PMFBP1: variants seen among roughly 807,000 people sequenced by gnomAD.
PMFBP1 encodes polyamine-modulated factor 1-binding protein 1.
In PMFBP1, 131 loss-of-function variants were observed where a neutral mutation model predicts 137.8. The observed-to-expected ratio is 0.95, with a 90% CI of 0.82 to 1.10. The LOEUF (loss-of-function observed/expected upper bound fraction) is 1.10. PMFBP1 is among the 50% of genes least tolerant of loss of function. The probability of loss-of-function intolerance (pLI) is 0.00; values close to 1 mark genes in which losing one functional copy is unlikely to be tolerated. For synonymous variants in PMFBP1, 490 were observed against 450.4 expected, an observed-to-expected ratio of 1.09 and a Z score of -1.11; for missense variants, 1,199 against 1,175.4, an observed-to-expected ratio of 1.02 and a Z score of -0.29.
chr16:72,120,033 T>A lies in PMFBP1; in HGVS notation c.2825A>T (p.Glu942Val), dbSNP rs778003787. Residue 942 changes from glutamate (E) to valine (V), a missense_variant, in exon 20 of 21, where the codon GAG (glutamate) becomes GTG (valine). Glu to Val is a moderately radical substitution (Grantham distance 121, BLOSUM62 -2). Coordinates refer to ENST00000237353, the MANE Select transcript of PMFBP1 (RefSeq NM_031293.3). The part of the protein sequence containing the change: ...LQQENKKLKK[E>V]IEEKKMKAEN... ...GGCTTTCATCTTCTTCTCTTCTATC[T>A]CCTTCTTCAGCTTCTTGTTTTCCTG... 6.2e-7 allele frequency: 1 copy of A among 1,614,148 alleles called. No homozygotes were observed. The highest frequency in any genetic ancestry group is 1.1e-5 in the South Asian group (1 of 91,088).
At position 72,158,472 on chromosome 16, in the gene PMFBP1, C is replaced by T. The variant is rs116708978; in HGVS notation, c.166-4013G>A. On this transcript the variant is annotated intron_variant, in intron 3 of 20. Transcript: ENST00000237353. ...TTGGAGAGAAGAGAGTTGGGAGTGG[C>T]GTGTGTGGTGTGCTCATGTATGTGT... 2.6e-3 allele frequency among the ~76,000 whole-genome samples: 392 copies of T among 152,070 alleles called. 7 individuals carry two copies. The highest frequency in any genetic ancestry group is 9.3e-3 in the African/African-American group (384 of 41,456).
chr16:72,244,067 G>A, the PMFBP1 span, among the ~76,000 whole-genome samples: 16 of 152,192 alleles, frequency 1.1e-4, no homozygotes, highest in Non-Finnish European at 1.9e-4. Context: ...ATGTCCAGCT[G>A]AGGCTGAAAC....
the PMFBP1 span, among the ~76,000 whole-genome samples, chr16:72,233,984 A>AT: frequency 6.6e-6 from 1 of 152,214 alleles, no homozygotes; most frequent in African/African-American, 2.4e-5. Flanking sequence ...TCATCAGTTG[A>AT]TTGACATTTG....
At chr16:72,210,737 C>T in the PMFBP1 span, among the ~76,000 whole-genome samples, 1 of 152,192 alleles carries the variant, frequency 6.6e-6, no homozygotes, top group Admixed American at 6.5e-5. Flanking sequence ...GGGGCAATTT[C>T]CCTCCCACGG....
chr16:72,165,485 G>A (rs2043131985), intron 2 of PMFBP1, among the ~76,000 whole-genome samples: 2 of 151,646 alleles, frequency 1.3e-5, no homozygotes, highest in Non-Finnish European at 1.5e-5. Flanking sequence ...CACGATCTAG[G>A]CTCACTGCAA....
At chr16:72,244,372 G>A in the PMFBP1 span, among the ~76,000 whole-genome samples, 1 of 152,192 alleles carries the variant, frequency 6.6e-6, no homozygotes, top group Non-Finnish European at 1.5e-5. Flanking sequence ...TTATGTGTAA[G>A]TGGGTTGTAA....
At chr16:72,246,641 G>T in the PMFBP1 span, among the ~76,000 whole-genome samples, 5 of 151,940 alleles carry the variant, frequency 3.3e-5, no homozygotes, top group African/African-American at 1.2e-4. Context: ...TCTCTGTGAG[G>T]CTTCCTGTCT....
In PMFBP1 at chr16:72,132,827, C is replaced by G; in HGVS notation, c.1368G>C (p.Ala456=). 6.2e-7 allele frequency: 1 copy of G among 1,614,154 alleles called. No individual in the cohort carries two copies. Among genetic ancestry groups the G allele is most frequent in the Non-Finnish European group, 8.5e-7 (1 of 1,180,010 alleles). The change falls in exon 10 of 21, where the codon GCG becomes GCC. Residue 456 remains alanine (A), a synonymous_variant. Transcript: ENST00000237353. ...CCTCAGCCTGCAGGGCCTTGCACTC[C>G]GCCTCCTTGGACTTGTCCTGCTTAG... ...KEAKQDKSKE[A]ECKALQAEVQ... is the part of the protein sequence containing the mutation.
chr16:72,236,800 T>C, the PMFBP1 span, among the ~76,000 whole-genome samples: 1 of 152,194 alleles, frequency 6.6e-6, no homozygotes, highest in Admixed American at 6.5e-5. Context: ...AGTCATCTCA[T>C]ATGGATAGGT....
At chr16:72,228,301 A>ACGATACC in the PMFBP1 span, among the ~76,000 whole-genome samples, 1 of 152,188 alleles carries the variant, frequency 6.6e-6, no homozygotes, top group Non-Finnish European at 1.5e-5. Flanking sequence ...AGTATCGTGT[A>ACGATACC]CGATACCTCC....
At chr16:72,207,710 A>ATGTGTGTGTGTGTGTG in the PMFBP1 span, among the ~76,000 whole-genome samples, 1,604 of 143,996 alleles carry the variant, frequency 0.011, 31 homozygotes, top group South Asian at 0.029. Flanking sequence ...CCAGTAGGGC[A>ATGTGTGTGTGTGTGTG]TGTGTGTGTG....
intron 16 of PMFBP1, 117 bp from the exon 17 acceptor site, chr16:72,125,051 T>C (rs3812986): frequency 0.57 from 797,189 of 1,409,090 alleles, 229,932 homozygotes; most frequent in African/African-American, 0.77. Flanking sequence ...TATTTTCTTC[T>C]CAGTGGCCAG....
At chr16:72,173,030 C>T (rs187955058), upstream of PMFBP1, among the ~76,000 whole-genome samples, 1 of 152,306 alleles carries the variant, frequency 6.6e-6, no homozygotes, top group Non-Finnish European at 1.5e-5. Flanking sequence ...TTAAAAATAG[C>T]GTGGCATAAA....
In PMFBP1 at chr16:72,154,244, A is replaced by G. The variant is rs754760957; in HGVS notation, c.381T>C (p.Leu127=). 23 of 1,613,990 alleles carry G rather than the reference A, an allele frequency of 1.4e-5. No homozygotes were observed. In the South Asian group the frequency reaches 2.1e-4, roughly 15 times the overall value. Residue 127 remains leucine, a synonymous_variant, in exon 4 of 21, where the codon CTT becomes CTC. Transcript: ENST00000237353. ...CTTTCAGTTTGCAGTGATGGTGCAG[A>G]AGAACCAGGTCGGAAGTCTGCTTCT... is the stretch of plus-strand genomic sequence containing the variant. The part of the protein sequence containing the change: ...ILEKQTSDLV[L]LHHHCKLKED...
In PMFBP1 at chr16:72,120,005, C is replaced by G; in HGVS notation, c.2853G>C (p.Glu951Asp). 6.2e-7 allele frequency: 1 copy of G among 1,614,138 alleles called. No individual in the cohort carries two copies. The highest frequency in any genetic ancestry group is 1.1e-5 in the South Asian group (1 of 91,078). Reference protein sequence around the residue: ...KEIEEKKMKAENTRLCTKALG... With the variant: ...KEIEEKKMKADNTRLCTKALG... ...GGGCTTTGGTGCATAGCCTTGTGTT[C>G]TCGGCTTTCATCTTCTTCTCTTCTA... The change falls in exon 20 of 21, where the codon GAG becomes GAC. Residue 951 changes from glutamate to aspartate, a missense_variant. Glu to Asp is a conservative substitution (Grantham distance 45). Coordinates refer to ENST00000237353, the MANE Select transcript of PMFBP1 (RefSeq NM_031293.3).
chr16:72,165,178 G>A (rs1432927118), intron 2 of PMFBP1, among the ~76,000 whole-genome samples: 1 of 152,122 alleles, frequency 6.6e-6, no homozygotes, highest in African/African-American at 2.4e-5. Flanking sequence ...CAATTCCCCT[G>A]TTTTTCAAGA....
the PMFBP1 span, among the ~76,000 whole-genome samples, chr16:72,218,389 G>A: frequency 2.2e-4 from 34 of 151,688 alleles, no homozygotes; most frequent in South Asian, 8.3e-4. Context: ...GTGCAGTGGC[G>A]CGGTCTTGGC....
upstream of PMFBP1, among the ~76,000 whole-genome samples, chr16:72,180,962 C>T (rs370829030): frequency 2.3e-3 from 356 of 152,228 alleles, 13 homozygotes; most frequent in South Asian, 0.054. Context: ...AAATACTCGC[C>T]GGGAGCGGTA....
chr16:72,170,903 A>G (rs929919736), intron 2 of PMFBP1, among the ~76,000 whole-genome samples: 2 of 152,184 alleles, frequency 1.3e-5, no homozygotes, highest in Admixed American at 6.5e-5. Flanking sequence ...ATCATCATTC[A>G]TATTTTCTAG....
Sources: gnomAD v4.1 joint callset for allele counts (sites outside exome capture counted in the v4.1 genomes callset) on GRCh38, gnomAD v4.1.1 for gene constraint, MANE v1.5 for transcripts, NCBI Gene and HGNC (gene_info 2026-07-23, HGNC 2026-07-21) for gene names.